Variants in LAMA1 observed in about 807,000 individuals in gnomAD.
The protein encoded by LAMA1 is laminin subunit alpha-1.
In LAMA1, 219 loss-of-function variants were observed where a neutral mutation model predicts 348.7. The observed-to-expected ratio is 0.63, with a 90% CI of 0.56 to 0.70. The LOEUF (loss-of-function observed/expected upper bound fraction) is 0.70. Ranked by LOEUF, LAMA1 falls within the 30% of genes least tolerant of loss-of-function variation. The pLI is 0.00. For synonymous variants in LAMA1, 1,487 were observed against 1,491.0 expected (o/e 1.00, Z 0.06); for missense variants, 3,744 against 3,888.0 (o/e 0.96, Z 0.99).
intron 9 of LAMA1, among the ~76,000 whole-genome samples, chr18:7,041,023 G>A (rs950790431): frequency 1.3e-5 from 2 of 152,178 alleles, no homozygotes; most frequent in African/African-American, 4.8e-5. Context: ...TAGTTTGTAA[G>A]GGGCTTCTTT....
intron 22 of LAMA1, 45 bp from the exon 23 acceptor site, chr18:7,014,096 G>A: frequency 7.3e-7 from 1 of 1,370,906 alleles, no homozygotes; most frequent in Non-Finnish European, 1.0e-6. Context: ...CAGATTTGAT[G>A]CTTCCAAATG....
intron 3 of LAMA1, among the ~76,000 whole-genome samples, chr18:7,052,595 C>T (rs535967798): frequency 8.9e-4 from 135 of 152,138 alleles, no homozygotes; most frequent in African/African-American, 3.0e-3. Context: ...GCCGTGGAGG[C>T]GCATGCATGT....
intron 1 of LAMA1, among the ~76,000 whole-genome samples, chr18:7,111,450 A>G (rs2058335524): frequency 6.6e-6 from 1 of 152,224 alleles, no homozygotes; most frequent in Non-Finnish European, 1.5e-5. Context: ...GAGAAAACAA[A>G]GACACAAGTG....
intron 23 of LAMA1, 63 bp from the exon 24 acceptor site, chr18:7,012,201 C>T (rs1332792825): frequency 7.1e-6 from 11 of 1,542,050 alleles, no homozygotes; most frequent in African/African-American, 5.5e-5. Flanking sequence ...TCTGAACAAA[C>T]AGAGACAAAA....
At chr18:6,953,819 G>C (rs1021495382) in intron 57 of LAMA1, 1 of 152,382 alleles carries the variant, frequency 6.6e-6, no homozygotes, top group Non-Finnish European at 1.5e-5. Flanking sequence ...AGCGGCATCT[G>C]TGTGCTGGTC....
chr18:7,077,468 G>A (rs1463541776), intron 3 of LAMA1, among the ~76,000 whole-genome samples: 2 of 152,026 alleles, frequency 1.3e-5, no homozygotes, highest in Non-Finnish European at 2.9e-5. Flanking sequence ...GCCTCCGAAA[G>A]TGCTGGGATT....
chr18:7,034,830 G>C (rs900422914), intron 13 of LAMA1, 140 bp from the exon 14 acceptor site: 2 of 680,150 alleles, frequency 2.9e-6, no homozygotes, highest in Non-Finnish European at 5.0e-6. Flanking sequence ...GGTGTGTACA[G>C]CTCTTGGCCC....
rs757439960 is a variant in LAMA1 at position 7,026,059 on chromosome 18, G to A, written c.2322C>T (p.Pro774=). 2.5e-5 allele frequency: 41 copies of A among 1,610,500 alleles called. No individual in the cohort carries two copies. In the Admixed American group the frequency reaches 3.0e-4, roughly 12 times the overall value. ...TTGVHCEQCL[P]GFYGEPSRGT... ...CTCGGGAAGGCTCCCCGTAGAAGCC[G>A]GGCAAGCACTGCTCACAGTGGACGC... is the stretch of plus-strand genomic sequence containing the variant. The change falls in exon 17 of 63, where the codon CCC becomes CCT. Residue 774 remains proline, a synonymous_variant. Transcript: ENST00000389658.
intron 32 of LAMA1, among the ~76,000 whole-genome samples, chr18:6,999,092 G>T (rs149453532): frequency 2.1e-4 from 32 of 151,834 alleles, no homozygotes; most frequent in African/African-American, 7.3e-4. Context: ...TCATGAAATT[G>T]GGGTAACACA....
rs112517123 is a variant in LAMA1, at chr18:7,002,022, A to C, written c.4382+242T>G. On this transcript the variant is annotated intron_variant, in intron 30 of 62. Coordinates refer to ENST00000389658, the MANE Select transcript of LAMA1 (RefSeq NM_005559.4). The stretch of plus-strand genomic sequence containing the variant: ...GCTAAAATGAGTCTTAAAAAACAAA[A>C]CCTAAAAGTCCTTTCTTTAATTGCT... 4.3e-3 allele frequency among the ~76,000 whole-genome samples: 657 copies of C among 152,354 alleles called. 9 individuals carry two copies. Among genetic ancestry groups the C allele is most frequent in the African/African-American group, 0.015 (604 of 41,580 alleles).
chr18:6,993,295 G>A (rs557343719), intron 35 of LAMA1, among the ~76,000 whole-genome samples: 1 of 152,214 alleles, frequency 6.6e-6, no homozygotes, highest in Non-Finnish European at 1.5e-5. Context: ...CTAATGTGAT[G>A]GATATACTTG....
intron 48 of LAMA1, among the ~76,000 whole-genome samples, chr18:6,970,216 C>T (rs754603831): frequency 1.3e-5 from 2 of 152,118 alleles, no homozygotes; most frequent in South Asian, 2.1e-4. Flanking sequence ...CATTACCTCA[C>T]GAGGCAACAG....
rs1444148099 is a variant in LAMA1 at position 6,973,038 on chromosome 18, A to G, written c.6774+19T>C. Reference sequence around the variant, plus strand: ...AATCAGTCAATCAGTCCTGTTCAGAAGAACTTTCGTAATGTTACCTTGATT... The same window carrying G: ...AATCAGTCAATCAGTCCTGTTCAGAGGAACTTTCGTAATGTTACCTTGATT... On this transcript the variant is annotated intron_variant, in intron 47 of 62. Coordinates refer to ENST00000389658, the MANE Select transcript of LAMA1 (RefSeq NM_005559.4). The G allele has an allele frequency of 6.2e-7, 1 of 1,613,768 alleles. No individual in the cohort carries two copies. The highest frequency in any genetic ancestry group is 8.5e-7 in the Non-Finnish European group (1 of 1,179,772).
intron 41 of LAMA1, 84 bp downstream of exon 41, chr18:6,982,413 T>G: frequency 9.2e-7 from 1 of 1,090,344 alleles, no homozygotes; most frequent in Non-Finnish European, 1.4e-6. Flanking sequence ...AGTTGCTGCA[T>G]GCAAGGAGAA....
At chr18:7,095,421 TAC>T (rs1484387498) in intron 1 of LAMA1, among the ~76,000 whole-genome samples, 1 of 152,198 alleles carries the variant, frequency 6.6e-6, no homozygotes, top group Admixed American at 6.5e-5. Context: ...CACTATGATG[TAC>T]ACACAGAACA....
chr18:6,943,416 T>C lies in LAMA1; in HGVS notation c.8845-14A>G, dbSNP rs1480627066. ...ATGGAACAAGACCTAAAAGCAAATATCTTGGTGAGTTTTTGTGTATTTAAG... is the reference window on the plus strand; with the variant it reads ...ATGGAACAAGACCTAAAAGCAAATACCTTGGTGAGTTTTTGTGTATTTAAG... On this transcript the variant is annotated splice_polypyrimidine_tract_variant and intron_variant, in intron 61 of 62. Coordinates refer to ENST00000389658, the MANE Select transcript of LAMA1 (RefSeq NM_005559.4). 4 of 1,609,082 alleles carry C rather than the reference T, an allele frequency of 2.5e-6. No homozygotes were observed. Among genetic ancestry groups the C allele is most frequent in the Admixed American group, 1.7e-5 (1 of 60,016 alleles).
intron 16 of LAMA1, among the ~76,000 whole-genome samples, chr18:7,031,297 G>A (rs1343979344): frequency 6.6e-6 from 1 of 151,964 alleles, no homozygotes; most frequent in African/African-American, 2.4e-5. Flanking sequence ...TGGCTTCAGG[G>A]CATAGGGCCT....
chr18:6,952,137 A>G (rs1267192644), intron 57 of LAMA1, among the ~76,000 whole-genome samples: 1 of 152,140 alleles, frequency 6.6e-6, no homozygotes, highest in East Asian at 1.9e-4. Flanking sequence ...CGGAACATAG[A>G]AGGCCATCCT....
At chr18:6,992,505 G>T in intron 36 of LAMA1, 56 bp downstream of exon 36, 6 of 1,566,324 alleles carry the variant, frequency 3.8e-6, no homozygotes, top group Non-Finnish European at 4.4e-6. Flanking sequence ...TTTGGAGATA[G>T]CGTGCAAGTT....
Sources: allele counts gnomAD v4.1 joint callset (sites outside exome capture counted in the v4.1 genomes callset), GRCh38; gene constraint gnomAD v4.1.1; transcripts MANE v1.5; gene names NCBI Gene and HGNC (gene_info 2026-07-23, HGNC 2026-07-21).